The following LPIN1 variants were observed in gnomAD, a reference collection of about 807,000 sequenced individuals.
The protein encoded by LPIN1 is lipin 1, also known as phosphatidate phosphatase LPIN1.
Under a neutral mutation model 107.5 loss-of-function variants are expected in LPIN1, and 71 were observed. That is an observed-to-expected ratio of 0.66 (90% CI 0.55 to 0.80). LPIN1 has a LOEUF of 0.80. Among genes scored for constraint, LPIN1 ranks in the 30% least tolerant of loss-of-function variants. The pLI, the probability that LPIN1 is intolerant of heterozygous loss-of-function variation, is 0.00. For missense variants in LPIN1, 1,043 were observed against 1,160.6 expected (o/e 0.90, Z 1.47); for synonymous variants, 445 against 452.6 (o/e 0.98, Z 0.21).
At chr2:11,816,509 T>G (rs1680599546) in intron 18 of LPIN1, 1 of 152,228 alleles carries the variant, frequency 6.6e-6, no homozygotes, top group Admixed American at 6.5e-5. Flanking sequence ...TTTCCTTATT[T>G]AAATATCATT....
At chr2:11,800,038 C>T (rs1045457967) in intron 14 of LPIN1, among the ~76,000 whole-genome samples, 7 of 152,180 alleles carry the variant, frequency 4.6e-5, no homozygotes, top group African/African-American at 1.7e-4. Context: ...CCTCCTGTTC[C>T]CATGGCGTAT....
At chr2:11,686,514 G>T (rs1156854795) in intron 1 of LPIN1, among the ~76,000 whole-genome samples, 1 of 152,170 alleles carries the variant, frequency 6.6e-6, no homozygotes, top group African/African-American at 2.4e-5. Context: ...CACACCTGAG[G>T]CCTGTGTGTA....
intron 1 of LPIN1, among the ~76,000 whole-genome samples, chr2:11,754,394 T>C (rs577360200): frequency 6.6e-6 from 1 of 152,330 alleles, no homozygotes; most frequent in African/African-American, 2.4e-5. Context: ...CAGGAAATGA[T>C]GAATCACTCG....
intron 1 of LPIN1, among the ~76,000 whole-genome samples, chr2:11,729,452 T>C (rs1407167742): frequency 1.3e-5 from 2 of 152,358 alleles, no homozygotes; most frequent in East Asian, 1.9e-4. Flanking sequence ...CATATGCAGT[T>C]AACATACAGA....
At chr2:11,805,721 TA>T (rs1308809248) in intron 17 of LPIN1, among the ~76,000 whole-genome samples, 11 of 152,182 alleles carry the variant, frequency 7.2e-5, no homozygotes, top group Admixed American at 7.2e-4. Context: ...CTGTGCTGGG[TA>T]CATGGGTTAC....
At chr2:11,814,511 CATGTGT>C (rs1680232098) in intron 17 of LPIN1, among the ~76,000 whole-genome samples, 1 of 94,864 alleles carries the variant, frequency 1.1e-5, no homozygotes, top group Non-Finnish European at 2.1e-5. Context: ...GGTGTGTGTG[CATGTGT>C]GTGTGTGTGT....
chr2:11,759,712 G>A (rs1260482703), intron 1 of LPIN1, among the ~76,000 whole-genome samples: 1 of 152,164 alleles, frequency 6.6e-6, no homozygotes, highest in African/African-American at 2.4e-5. Flanking sequence ...TCCCAGACGG[G>A]GTGGCGGCCG....
intron 7 of LPIN1, among the ~76,000 whole-genome samples, chr2:11,781,945 G>C (rs537962272): frequency 6.6e-5 from 10 of 152,322 alleles, no homozygotes; most frequent in Admixed American, 3.9e-4. Flanking sequence ...AGCATTTAGG[G>C]TGCTCCTGCC....
intron 12 of LPIN1, among the ~76,000 whole-genome samples, chr2:11,790,538 A>G (rs1226489226): frequency 2.0e-5 from 3 of 152,258 alleles, no homozygotes; most frequent in East Asian, 3.8e-4. Context: ...GAGTTGAGCC[A>G]GTCTTCTCCG....
At chr2:11,744,095 C>T (rs549276395), upstream of LPIN1, among the ~76,000 whole-genome samples, 3 of 152,254 alleles carry the variant, frequency 2.0e-5, no homozygotes, top group Non-Finnish European at 4.4e-5. Context: ...GAAACTGAGC[C>T]TCTAGAATCA....
chr2:11,735,934 G>A (rs1665752597), intron 1 of LPIN1, among the ~76,000 whole-genome samples: 1 of 152,196 alleles, frequency 6.6e-6, no homozygotes, highest in Admixed American at 6.5e-5. Flanking sequence ...TGACTCTGGG[G>A]GGCTGGCTCA....
chr2:11,803,105 ATGGT>A lies in LPIN1; in HGVS notation c.2013+76_2013+79del. On this transcript the variant is annotated intron_variant, in intron 15 of 20. Transcript: ENST00000674199. The surrounding 1 kb of genome is among the most constrained non-coding windows in gnomAD (Gnocchi z 4.2). The stretch of plus-strand genomic sequence containing the variant: ...TTCTGCAGACTCCTAAGGCTGTGTG[ATGGT>A]TGGGATGTGCCCGTTACTTGTCACC... The A allele has an allele frequency of 6.3e-7, 1 of 1,595,450 alleles. No individual in the cohort carries two copies. The highest frequency in any genetic ancestry group is 8.6e-7 in the Non-Finnish European group (1 of 1,169,146).
At chr2:11,704,751 T>C (rs1323008589) in intron 1 of LPIN1, among the ~76,000 whole-genome samples, 1 of 152,060 alleles carries the variant, frequency 6.6e-6, no homozygotes, top group Non-Finnish European at 1.5e-5. Flanking sequence ...CAGCCCTGGG[T>C]CCTCTATCTC....
Position 11,802,929 on chromosome 2 carries a change from A to G in LPIN1, c.1909A>G (p.Ser637Gly). The part of the protein sequence containing the change: ...ATRVKHESSS[S>G]DEERAAAKPS... ...CAGGGTAAAGCATGAATCATCCTCC[A>G]GTGATGAGGAGCGCGCAGCTGCCAA... Residue 637 changes from serine to glycine, a missense_variant, in exon 15 of 21, where the codon AGT becomes GGT. Transcript: ENST00000674199. 3 of 1,613,474 alleles carry G rather than the reference A, an allele frequency of 1.9e-6. No individual in the cohort carries two copies. Among genetic ancestry groups the G allele is most frequent in the Non-Finnish European group, 2.5e-6 (3 of 1,180,034 alleles).
At chr2:11,716,002 G>T (rs951028742) in intron 2 of LPIN1, among the ~76,000 whole-genome samples, 2 of 152,128 alleles carry the variant, frequency 1.3e-5, no homozygotes, top group Non-Finnish European at 2.9e-5. Context: ...AGGCAGGGGG[G>T]CAGCTTGGGG....
At chr2:11,751,465 G>T (rs1349908546) in intron 1 of LPIN1, among the ~76,000 whole-genome samples, 1 of 151,858 alleles carries the variant, frequency 6.6e-6, no homozygotes, top group Non-Finnish European at 1.5e-5. Flanking sequence ...TCCCAGGCTG[G>T]TCCCCAGGGG....
chr2:11,707,562 G>GTCCTCATC lies in LPIN1; in HGVS notation c.82-6194_82-6193insTCCTCATC, dbSNP rs1172546599. 6.6e-6 allele frequency among the ~76,000 whole-genome samples: 1 copy of GTCCTCATC among 152,242 alleles called. No individual in the cohort carries two copies. Among genetic ancestry groups the GTCCTCATC allele is most frequent in the East Asian group, 1.9e-4 (1 of 5,196 alleles). ...GGCTGCTGTGAGGAGCAGAGCTGAT[G>GTCCTCATC]AGGAGCAGAAACAGACTGGCTGTGG... On this transcript the variant is annotated intron_variant, in intron 1 of 21. Transcript: ENST00000449576. The surrounding 1 kb of genome is among the most constrained non-coding windows in gnomAD (Gnocchi z 4.2).
intron 17 of LPIN1, chr2:11,805,420 C>G: frequency 1.8e-6 from 1 of 569,412 alleles, no homozygotes; most frequent in African/African-American, 1.9e-5. Context: ...ATGGTGGCAG[C>G]ATTAGGGGTG....
rs148996707 is a variant in LPIN1 at position 11,822,521 on chromosome 2, A to G, written c.2621+2007A>G. 8.6e-3 allele frequency among the ~76,000 whole-genome samples: 1,316 copies of G among 152,142 alleles called. 19 individuals carry two copies. The highest frequency in any genetic ancestry group is 0.03 in the African/African-American group (1,251 of 41,498). On this transcript the variant is annotated intron_variant, in intron 20 of 20. Transcript: ENST00000674199. ...CAAAGGAGGCAAGGAGGATCAAGTCATGTCTTACATGGATGGCAGCAGGCA... is the reference window on the plus strand; with the variant it reads ...CAAAGGAGGCAAGGAGGATCAAGTCGTGTCTTACATGGATGGCAGCAGGCA...
Sources: gnomAD v4.1 joint callset for allele counts (sites outside exome capture counted in the v4.1 genomes callset) on GRCh38, gnomAD v4.1.1 for gene constraint, Gnocchi (gnomAD v3.1) non-coding constraint, MANE v1.5 for transcripts, NCBI Gene and HGNC (gene_info 2026-07-23, HGNC 2026-07-21) for gene names.